PDE8A: variants seen among roughly 807,000 people sequenced by gnomAD.
PDE8A encodes high affinity cAMP-specific and IBMX-insensitive 3',5'-cyclic phosphodiesterase 8A.
PDE8A carries 59 observed loss-of-function variants against 105.0 expected under a neutral mutation model. That is an observed-to-expected ratio of 0.56 (90% CI 0.46 to 0.70). The LOEUF is 0.70. PDE8A is among the 30% of genes least tolerant of loss of function. The pLI is 0.00. For synonymous variants in PDE8A, 355 were observed against 371.9 expected, an observed-to-expected ratio of 0.95 and a Z score of 0.52; for missense variants, 1,014 against 1,045.9, an observed-to-expected ratio of 0.97 and a Z score of 0.42.
chr15:85,071,585 G>A (rs1209818663), intron 3 of PDE8A, among the ~76,000 whole-genome samples: 13 of 152,210 alleles, frequency 8.5e-5, no homozygotes, highest in Non-Finnish European at 1.6e-4. Flanking sequence ...CAGGCCAGGA[G>A]CCCCGCTCTG....
chr15:85,046,860 A>T (rs1194343886), intron 1 of PDE8A, among the ~76,000 whole-genome samples: 1 of 152,266 alleles, frequency 6.6e-6, no homozygotes, highest in Non-Finnish European at 1.5e-5. Flanking sequence ...AGGCAAACGA[A>T]ATCAAAACTT....
chr15:84,997,535 C>T (rs779107368), intron 1 of PDE8A, among the ~76,000 whole-genome samples: 5 of 151,842 alleles, frequency 3.3e-5, no homozygotes, highest in South Asian at 2.1e-4. Context: ...GCCATTTTCC[C>T]GTTTTATTAA....
chr15:85,109,017 A>C, intron 11 of PDE8A, 36 bp from the exon 12 acceptor site: 2 of 1,403,214 alleles, frequency 1.4e-6, no homozygotes, highest in Non-Finnish European at 2.0e-6. Context: ...TTGTTTAAAT[A>C]TCTTTGAAGA....
At chr15:85,064,751 C>T (rs905395424) in intron 2 of PDE8A, among the ~76,000 whole-genome samples, 11 of 152,040 alleles carry the variant, frequency 7.2e-5, no homozygotes, top group African/African-American at 2.7e-4. Context: ...CTTGAGGAGT[C>T]CTTGAGGAGT....
At chr15:85,079,782 G>A (rs1400473087) in intron 5 of PDE8A, among the ~76,000 whole-genome samples, 6 of 152,054 alleles carry the variant, frequency 3.9e-5, no homozygotes, top group South Asian at 2.1e-4. Context: ...GCATGGTGGC[G>A]CACACCTGTA....
chr15:85,042,366 T>G (rs1372345028), intron 1 of PDE8A, among the ~76,000 whole-genome samples: 3 of 152,044 alleles, frequency 2.0e-5, no homozygotes, highest in South Asian at 4.2e-4. Context: ...AGCATCTCGC[T>G]ATGGCTGGTC....
chr15:85,045,510 G>A (rs1430116463), intron 1 of PDE8A, among the ~76,000 whole-genome samples: 1 of 152,172 alleles, frequency 6.6e-6, no homozygotes, highest in Non-Finnish European at 1.5e-5. Flanking sequence ...CAATAAAATG[G>A]AGTTAATGAG....
At chr15:85,048,455 C>G (rs34105012) in intron 1 of PDE8A, among the ~76,000 whole-genome samples, 21,145 of 152,142 alleles carry the variant, frequency 0.14, 1,916 homozygotes, top group Middle Eastern at 0.24. Context: ...GGCTCTCTGA[C>G]CCTGCTTTAT....
intron 18 of PDE8A, 77 bp downstream of exon 18, chr15:85,121,091 CT>C: frequency 1.1e-6 from 1 of 911,528 alleles, no homozygotes; most frequent in Non-Finnish European, 1.7e-6. Context: ...TAATTCACAT[CT>C]TATACAGTTC....
At chr15:84,997,541 A>G (rs2079999459) in intron 1 of PDE8A, among the ~76,000 whole-genome samples, 1 of 151,938 alleles carries the variant, frequency 6.6e-6, no homozygotes, top group South Asian at 2.1e-4. Context: ...TTCCCGTTTT[A>G]TTAATTTCTT....
intron 1 of PDE8A, among the ~76,000 whole-genome samples, chr15:85,025,135 A>C (rs2080493068): frequency 6.6e-6 from 1 of 152,272 alleles, no homozygotes; most frequent in East Asian, 1.9e-4. Context: ...TAATATAACT[A>C]TGCTCTTCAC....
chr15:85,132,851 TGTG>T (rs2082348786), intron 20 of PDE8A, among the ~76,000 whole-genome samples: 1 of 91,818 alleles, frequency 1.1e-5, no homozygotes, highest in Non-Finnish European at 2.6e-5. Flanking sequence ...TGTGTGTGTG[TGTG>T]TGTGTGTTTT....
Position 85,067,048 on chromosome 15 carries a change from G to A in PDE8A, c.278G>A (p.Cys93Tyr). 2 of 1,612,122 alleles carry A rather than the reference G, an allele frequency of 1.2e-6. No homozygotes were observed. The highest frequency in any genetic ancestry group is 2.2e-5 in the East Asian group (1 of 44,844). ...GTGTTTACCAAAGAAGATAACCAAT[G>A]TAATGGATTCTGCAGGGCATGTGAA... is the stretch of plus-strand genomic sequence containing the variant. ...LLVFTKEDNQ[C>Y]NGFCRACEKA... is the part of the protein sequence containing the mutation. The change falls in exon 3 of 22, where the codon TGT becomes TAT. Residue 93 changes from cysteine to tyrosine, a missense_variant. By Grantham distance (194) the Cys-to-Tyr change is radical (BLOSUM62 -2). Transcript: ENST00000394553.
chr15:85,099,443 A>G (rs528985124), intron 9 of PDE8A, among the ~76,000 whole-genome samples: 5 of 152,276 alleles, frequency 3.3e-5, no homozygotes, highest in East Asian at 1.9e-4. Flanking sequence ...GTCCTTTCCA[A>G]TTTTTTTGTG....
rs556525831 is a variant in PDE8A, at chr15:85,090,772, G to A, written c.715-272G>A. 4.1e-5 allele frequency: 21 copies of A among 511,680 alleles called. No homozygotes were observed. In the Middle Eastern group the frequency reaches 9.0e-4, roughly 22 times the overall value. The allele number at this position is 511,680 out of a possible 1,614,324, so 31.7% of individuals were successfully genotyped here. On this transcript the variant is annotated intron_variant, in intron 7 of 21. Coordinates refer to ENST00000394553, the MANE Select transcript of PDE8A (RefSeq NM_002605.3). Reference sequence around the variant, plus strand: ...TGTGCACATCCCTTCCTCTGCCCCTGTTGAAGTGGGAGTGGGCCTGCTGCC... The same window carrying A: ...TGTGCACATCCCTTCCTCTGCCCCTATTGAAGTGGGAGTGGGCCTGCTGCC...
intron 1 of PDE8A, among the ~76,000 whole-genome samples, chr15:84,994,402 A>G (rs1356934356): frequency 6.6e-6 from 1 of 152,230 alleles, no homozygotes; most frequent in East Asian, 1.9e-4. Context: ...AATTTTCCTC[A>G]TGCTCCCATG....
At chr15:85,092,014 TG>T (rs980059657) in intron 8 of PDE8A, among the ~76,000 whole-genome samples, 5 of 151,018 alleles carry the variant, frequency 3.3e-5, no homozygotes, top group African/African-American at 1.2e-4. Context: ...GAGGCACTGA[TG>T]GAAGTGATAC....
intron 8 of PDE8A, among the ~76,000 whole-genome samples, chr15:85,092,890 C>G (rs2081669332): frequency 6.6e-6 from 1 of 150,758 alleles, no homozygotes; most frequent in South Asian, 2.1e-4. Flanking sequence ...TAGGAAACAT[C>G]ATCAAATTAT....
intron 17 of PDE8A, 34 bp from the exon 18 acceptor site, chr15:85,120,763 A>G (rs777611417): frequency 7.1e-7 from 1 of 1,407,016 alleles, no homozygotes. Context: ...CTTCAGTGTC[A>G]TACCCCAGTT....
Sources: gnomAD v4.1 joint callset for allele counts (sites outside exome capture counted in the v4.1 genomes callset) on GRCh38, gnomAD v4.1.1 for gene constraint, MANE v1.5 for transcripts, NCBI Gene and HGNC (gene_info 2026-07-23, HGNC 2026-07-21) for gene names.